PDE8A: variants seen among roughly 807,000 people sequenced by gnomAD.
PDE8A encodes high affinity cAMP-specific and IBMX-insensitive 3',5'-cyclic phosphodiesterase 8A.
PDE8A carries 59 observed loss-of-function variants against 105.0 expected under a neutral mutation model. The observed-to-expected ratio is 0.56, with a 90% CI of 0.46 to 0.70. The LOEUF (loss-of-function observed/expected upper bound fraction) is 0.70. Among genes scored for constraint, PDE8A ranks in the 30% least tolerant of loss-of-function variants. PDE8A has a pLI of 0.00. For synonymous variants in PDE8A, 355 were observed against 371.9 expected, an observed-to-expected ratio of 0.95 and a Z score of 0.52; for missense variants, 1,014 against 1,045.9, an observed-to-expected ratio of 0.97 and a Z score of 0.42.
At chr15:85,002,720 C>T (rs2080086185) in intron 1 of PDE8A, among the ~76,000 whole-genome samples, 1 of 152,156 alleles carries the variant, frequency 6.6e-6, no homozygotes, top group Admixed American at 6.5e-5. Context: ...CCTGTGGTTG[C>T]TTGCTGTGGT....
chr15:85,008,871 C>T (rs67161304), intron 1 of PDE8A, among the ~76,000 whole-genome samples: 13,101 of 152,166 alleles, frequency 0.086, 1,540 homozygotes, highest in African/African-American at 0.27. Context: ...GAGCCTCCCT[C>T]TCCCTGTGTC....
At chr15:85,063,885 A>G (rs760038733) in intron 1 of PDE8A, 1 of 153,528 alleles carries the variant, frequency 6.5e-6, no homozygotes, top group African/African-American at 2.4e-5. Context: ...AGTGTCAACC[A>G]TTTTTCAATG....
At chr15:85,134,350 C>G (rs1214317022) in intron 20 of PDE8A, among the ~76,000 whole-genome samples, 1 of 152,184 alleles carries the variant, frequency 6.6e-6, no homozygotes, top group East Asian at 1.9e-4. Flanking sequence ...GAGAGCGCCC[C>G]GCCCAGGGCA....
chr15:85,009,729 A>G (rs2080210516), intron 1 of PDE8A, among the ~76,000 whole-genome samples: 1 of 152,230 alleles, frequency 6.6e-6, no homozygotes, highest in Admixed American at 6.5e-5. Flanking sequence ...TGTTGGCAAT[A>G]TTTACTGAAG....
intron 3 of PDE8A, among the ~76,000 whole-genome samples, chr15:85,067,527 T>A (rs1460416627): frequency 2.6e-5 from 4 of 152,188 alleles, no homozygotes; most frequent in African/African-American, 9.7e-5. Flanking sequence ...TTTTCAAAGT[T>A]TTAAAAATTT....
rs148758494 is a variant in PDE8A, at chr15:85,091,080, C to A, written c.751C>A (p.Gln251Lys). Reference sequence around the variant, plus strand: ...TGCATTTGAAACAACAATGGGCTATCAGTCAGGTGAATTAATAGGGAAGGA... The same window carrying A: ...TGCATTTGAAACAACAATGGGCTATAAGTCAGGTGAATTAATAGGGAAGGA... Reference protein sequence around the residue: ...NPAFETTMGYQSGELIGKELG... With the variant: ...NPAFETTMGYKSGELIGKELG... The change falls in exon 8 of 22, where the codon CAG becomes AAG. Residue 251 changes from glutamine to lysine, a missense_variant. By Grantham distance (53) the Gln-to-Lys change is moderately conservative (BLOSUM62 1). Transcript: ENST00000394553. 4 of 1,611,802 alleles carry A rather than the reference C, an allele frequency of 2.5e-6. No homozygotes were observed. The highest frequency in any genetic ancestry group is 3.4e-6 in the Non-Finnish European group (4 of 1,178,486).
rs77954158 is a variant in PDE8A, at chr15:85,078,664, T to C, written c.546+1877T>C. Reference sequence around the variant, plus strand: ...ATAAAGACTTTCAGAAATGTGGACATTGAGAGAATTTGTAACTAGCAGATC... The same window carrying C: ...ATAAAGACTTTCAGAAATGTGGACACTGAGAGAATTTGTAACTAGCAGATC... On this transcript the variant is annotated intron_variant, in intron 5 of 21. Transcript: ENST00000394553. 6.2e-3 allele frequency among the ~76,000 whole-genome samples: 940 copies of C among 151,924 alleles called. 15 individuals are homozygous for C. The highest frequency in any genetic ancestry group is 0.022 in the African/African-American group (892 of 41,466).
chr15:85,122,815 T>C (rs2082202175), intron 18 of PDE8A, among the ~76,000 whole-genome samples: 1 of 152,230 alleles, frequency 6.6e-6, no homozygotes, highest in African/African-American at 2.4e-5. Flanking sequence ...ATTGACAAGA[T>C]AAACACTGCA....
intron 1 of PDE8A, among the ~76,000 whole-genome samples, chr15:85,054,406 C>T (rs55993465): frequency 0.089 from 13,472 of 152,192 alleles, 1,654 homozygotes; most frequent in African/African-American, 0.28. Context: ...ACCAGCTCCT[C>T]TTTGTACGTC....
chr15:85,040,778 C>G (rs2080793147), intron 1 of PDE8A, among the ~76,000 whole-genome samples: 1 of 151,870 alleles, frequency 6.6e-6, no homozygotes, highest in African/African-American at 2.4e-5. Flanking sequence ...CCAGGATGGT[C>G]TCGATCTCCT....
intron 11 of PDE8A, among the ~76,000 whole-genome samples, chr15:85,106,704 C>T (rs954062956): frequency 1.3e-5 from 2 of 152,090 alleles, no homozygotes; most frequent in African/African-American, 2.4e-5. Context: ...AGATGGAAGG[C>T]GGAGCAGTTG....
chr15:84,992,159 G>A (rs1483938155), intron 1 of PDE8A, among the ~76,000 whole-genome samples: 1 of 152,174 alleles, frequency 6.6e-6, no homozygotes, highest in Non-Finnish European at 1.5e-5. Context: ...CCTGCTCTCA[G>A]GGAACAATTA....
At chr15:85,007,699 A>T (rs1408174461) in intron 1 of PDE8A, among the ~76,000 whole-genome samples, 1 of 152,126 alleles carries the variant, frequency 6.6e-6, no homozygotes, top group East Asian at 1.9e-4. Flanking sequence ...CGTACATCAC[A>T]GGAGTGCTGG....
chr15:85,007,647 G>C (rs1000192396), intron 1 of PDE8A, among the ~76,000 whole-genome samples: 3 of 151,944 alleles, frequency 2.0e-5, no homozygotes, highest in African/African-American at 7.3e-5. Flanking sequence ...TACTTAACCT[G>C]TTTGTGCCTC....
rs78727529 is a variant in PDE8A at position 85,024,467 on chromosome 15, C to T, written c.187-39903C>T. On this transcript the variant is annotated intron_variant, in intron 1 of 21. Transcript: ENST00000394553. ...AGCCCCTTTCTTAGTTTGGCCTTAG[C>T]CAAGTTCCATGCAGGTTGTTTCTCT... is the stretch of plus-strand genomic sequence containing the variant. Among the ~76,000 whole-genome samples the T allele has an allele frequency of 3.4e-3, 513 of 152,092 alleles. 3 individuals carry two copies. Among genetic ancestry groups the T allele is most frequent in the African/African-American group, 0.012 (499 of 41,512 alleles).
At chr15:85,106,301 T>C (rs2081946524) in intron 11 of PDE8A, among the ~76,000 whole-genome samples, 1 of 152,044 alleles carries the variant, frequency 6.6e-6, no homozygotes, top group Non-Finnish European at 1.5e-5. Flanking sequence ...AATCTGCCAC[T>C]TCCCCCTCCA....
At chr15:85,089,044 C>G (rs2081597988) in intron 6 of PDE8A, among the ~76,000 whole-genome samples, 1 of 152,036 alleles carries the variant, frequency 6.6e-6, no homozygotes, top group Non-Finnish European at 1.5e-5. Context: ...CAGTCACTTG[C>G]CCAGGGTCCC....
intron 1 of PDE8A, among the ~76,000 whole-genome samples, chr15:84,984,344 T>C (rs2079768026): frequency 6.6e-6 from 1 of 152,244 alleles, no homozygotes; most frequent in South Asian, 2.1e-4. Flanking sequence ...GTCTAATATT[T>C]TTTCTTTGAA....
intron 1 of PDE8A, among the ~76,000 whole-genome samples, chr15:85,058,723 TA>T (rs2081100727): frequency 6.6e-6 from 1 of 152,220 alleles, no homozygotes; most frequent in African/African-American, 2.4e-5. Context: ...GAATCCTTTT[TA>T]TTGCTGTAGA....
Sources: gnomAD v4.1 joint callset for allele counts (sites outside exome capture counted in the v4.1 genomes callset) on GRCh38, gnomAD v4.1.1 for gene constraint, MANE v1.5 for transcripts, NCBI Gene and HGNC (gene_info 2026-07-23, HGNC 2026-07-21) for gene names.